CFAP206: variants seen among roughly 807,000 people sequenced by gnomAD.
CFAP206 encodes the protein cilia- and flagella-associated protein 206.
Under a neutral mutation model 65.4 loss-of-function variants are expected in CFAP206, and 53 were observed. The observed-to-expected ratio is 0.81, with a 90% confidence interval of 0.65 to 1.02. The LOEUF (loss-of-function observed/expected upper bound fraction) is 1.02. Ranked by LOEUF, CFAP206 falls within the 50% of genes least tolerant of loss-of-function variation. The pLI is 0.00. For synonymous variants in CFAP206, 250 were observed against 254.4 expected, an observed-to-expected ratio of 0.98 and a Z score of 0.17; for missense variants, 663 against 753.2, an observed-to-expected ratio of 0.88 and a Z score of 1.40.
At chr6:87,438,018 C>A (rs1768303105) in intron 11 of CFAP206, among the ~76,000 whole-genome samples, 1 of 151,618 alleles carries the variant, frequency 6.6e-6, no homozygotes, top group Non-Finnish European at 1.5e-5. Flanking sequence ...ATCTATATAA[C>A]AGATACTCTC....
chr6:87,429,038 C>T lies in CFAP206; in HGVS notation c.1159+214C>T, dbSNP rs144130145. Among the ~76,000 whole-genome samples, 58 of 152,178 alleles carry T rather than the reference C, an allele frequency of 3.8e-4. No homozygotes were observed. The East Asian group carries it at 9.5e-3, about 25-fold the overall frequency. ...GGTGGATCACCTGAGGCCAGGAGTT[C>T]GACATGGCAAAACTCCGTCTCTACT... On this transcript the variant is annotated intron_variant, in intron 9 of 12. Transcript: ENST00000369562.
intron 11 of CFAP206, among the ~76,000 whole-genome samples, chr6:87,457,325 T>C (rs1357527989): frequency 2.6e-5 from 4 of 152,068 alleles, no homozygotes; most frequent in African/African-American, 9.7e-5. Flanking sequence ...ACCTTACAAC[T>C]TATATGGAAC....
chr6:87,426,805 A>G (rs1465311774), intron 8 of CFAP206, among the ~76,000 whole-genome samples, 160 bp downstream of exon 8: 3 of 152,214 alleles, frequency 2.0e-5, no homozygotes, highest in Non-Finnish European at 4.4e-5. Context: ...ATAGTGTGCT[A>G]TAAGTTGGAT....
rs111614696 is a variant in CFAP206 at position 87,437,949 on chromosome 6, G to A, written c.1494+2896G>A. Among the ~76,000 whole-genome samples, 62 of 150,228 alleles carry A rather than the reference G, an allele frequency of 4.1e-4. 1 individual carries two copies. Among genetic ancestry groups the A allele is most frequent in the African/African-American group, 1.4e-3 (57 of 40,824 alleles). On this transcript the variant is annotated intron_variant, in intron 11 of 12. Coordinates refer to ENST00000369562, the MANE Select transcript of CFAP206 (RefSeq NM_001031743.3). Reference sequence around the variant, plus strand: ...TCCTCTTGCCTCAACCTCCCAAAGTGCTGGGATTAAATGTGTGAGCCACCA... The same window carrying A: ...TCCTCTTGCCTCAACCTCCCAAAGTACTGGGATTAAATGTGTGAGCCACCA...
intron 11 of CFAP206, among the ~76,000 whole-genome samples, chr6:87,448,332 T>C (rs985748517): frequency 6.6e-6 from 1 of 152,178 alleles, no homozygotes; most frequent in African/African-American, 2.4e-5. Flanking sequence ...AGAATCTCTT[T>C]TTAACTTGAG....
intron 4 of CFAP206, among the ~76,000 whole-genome samples, chr6:87,415,152 C>T (rs1264359974): frequency 2.6e-5 from 4 of 151,938 alleles, no homozygotes; most frequent in South Asian, 4.1e-4. Flanking sequence ...GATGCAACAT[C>T]GTATTATCAA....
intron 10 of CFAP206, among the ~76,000 whole-genome samples, chr6:87,431,867 CTT>C (rs1438923773): frequency 6.6e-6 from 1 of 152,154 alleles, no homozygotes; most frequent in Non-Finnish European, 1.5e-5. Flanking sequence ...AAAAAATATT[CTT>C]TGTTACTTTG....
chr6:87,412,604 T>G (rs1767753968), intron 3 of CFAP206, among the ~76,000 whole-genome samples: 3 of 152,106 alleles, frequency 2.0e-5, no homozygotes, highest in Admixed American at 2.0e-4. Context: ...AGAGAAATTT[T>G]GTGAAGAGAG....
chr6:87,417,970 C>T (rs1309583039), intron 6 of CFAP206, among the ~76,000 whole-genome samples: 1 of 151,862 alleles, frequency 6.6e-6, no homozygotes, highest in African/African-American at 2.4e-5. Context: ...AATCTCTTGA[C>T]CTCGTGATCC....
intron 11 of CFAP206, among the ~76,000 whole-genome samples, chr6:87,448,443 TATG>T (rs1019306557): frequency 1.5e-4 from 23 of 152,224 alleles, no homozygotes; most frequent in African/African-American, 5.3e-4. Flanking sequence ...TACAATGTAT[TATG>T]ATCAAATCAG....
intron 11 of CFAP206, among the ~76,000 whole-genome samples, chr6:87,448,793 C>T (rs1768491710): frequency 6.6e-6 from 1 of 152,032 alleles, no homozygotes; most frequent in South Asian, 2.1e-4. Context: ...TTTCATTTAA[C>T]ATAATGTCCT....
chr6:87,416,887 G>C, intron 6 of CFAP206, 60 bp downstream of exon 6: 1 of 1,429,950 alleles, frequency 7.0e-7, no homozygotes, highest in Non-Finnish European at 9.6e-7. Context: ...AACTTGCACA[G>C]TGAGGAAAAT....
intron 10 of CFAP206, 86 bp from the exon 11 acceptor site, chr6:87,434,774 A>T: frequency 1.3e-6 from 1 of 760,690 alleles, no homozygotes; most frequent in Non-Finnish European, 2.0e-6. Context: ...CTGGAATTAC[A>T]GGCGTGAGCC....
chr6:87,459,749 G>C (rs1029011969), intron 11 of CFAP206, among the ~76,000 whole-genome samples: 2 of 152,180 alleles, frequency 1.3e-5, no homozygotes, highest in African/African-American at 4.8e-5. Context: ...AACTTACAGA[G>C]TTGTAAGATA....
chr6:87,460,045 C>T (rs754641457), intron 11 of CFAP206, among the ~76,000 whole-genome samples: 2 of 152,112 alleles, frequency 1.3e-5, no homozygotes, highest in African/African-American at 2.4e-5. Flanking sequence ...TAAAATCTAC[C>T]TAAATATATC....
intron 7 of CFAP206, among the ~76,000 whole-genome samples, chr6:87,423,375 A>G (rs1368082625): frequency 1.3e-5 from 2 of 148,294 alleles, no homozygotes; most frequent in Non-Finnish European, 3.0e-5. Context: ...CAGCCTCTCG[A>G]GTAGCTGGGA....
At position 87,409,893 on chromosome 6, in the gene CFAP206, A is replaced by C. The variant is rs145432848; in HGVS notation, c.54A>C (p.Gly18=). 1.1e-3 allele frequency: 1,752 copies of C among 1,613,570 alleles called. 6 individuals are homozygous for C. Among genetic ancestry groups the C allele is most frequent in the Non-Finnish European group, 9.9e-4 (1,164 of 1,179,722 alleles). ...SVIRSIIREI[G]QECAAHGEIV... is the part of the protein sequence containing the mutation. ...TAAGGAGTATTATACGAGAAATAGG[A>C]CAAGAATGTGCAGCCCATGGAGAGA... The change falls in exon 2 of 13, where the codon GGA becomes GGC. Residue 18 remains glycine (G), a synonymous_variant. Coordinates refer to ENST00000369562, the MANE Select transcript of CFAP206 (RefSeq NM_001031743.3).
At chr6:87,427,610 A>C (rs1768067456) in intron 8 of CFAP206, among the ~76,000 whole-genome samples, 1 of 152,206 alleles carries the variant, frequency 6.6e-6, no homozygotes, top group South Asian at 2.1e-4. Context: ...AGGAATAAGA[A>C]ACATATCTCA....
At chr6:87,419,929 T>G (rs1214593180) in intron 7 of CFAP206, among the ~76,000 whole-genome samples, 1 of 152,026 alleles carries the variant, frequency 6.6e-6, no homozygotes, top group Non-Finnish European at 1.5e-5. Flanking sequence ...AAAATAAAAT[T>G]AGCCAAGCAT....
Sources: gnomAD v4.1 joint callset for allele counts (sites outside exome capture counted in the v4.1 genomes callset) on GRCh38, gnomAD v4.1.1 for gene constraint, MANE v1.5 for transcripts, NCBI Gene and HGNC (gene_info 2026-07-23, HGNC 2026-07-21) for gene names.